Variants in LRBA observed in about 807,000 individuals in gnomAD.
LRBA encodes the protein lipopolysaccharide-responsive and beige-like anchor protein.
Under a neutral mutation model 330.0 loss-of-function variants are expected in LRBA, and 176 were observed. The ratio of observed to expected loss-of-function variants is 0.53; its 90% confidence interval spans 0.47 to 0.60. LRBA has a LOEUF of 0.60. Among genes scored for constraint, LRBA ranks in the 20% least tolerant of loss-of-function variants. LRBA has a pLI of 0.00. For missense variants in LRBA, 3,259 were observed against 3,444.8 expected (o/e 0.95, Z 1.35); for synonymous variants, 1,230 against 1,193.0 (o/e 1.03, Z -0.64).
intron 35 of LRBA, among the ~76,000 whole-genome samples, chr4:150,743,945 C>T (rs1451634): frequency 0.87 from 133,071 of 152,202 alleles, 58,577 homozygotes; most frequent in Non-Finnish European, 0.94. Flanking sequence ...CTCACATACA[C>T]TATTTTAATT....
At chr4:150,635,354 C>T (rs1019328984) in intron 37 of LRBA, among the ~76,000 whole-genome samples, 5 of 152,178 alleles carry the variant, frequency 3.3e-5, no homozygotes, top group Non-Finnish European at 7.3e-5. Flanking sequence ...TTCCATTTTG[C>T]TTACCCAAAT....
rs1034583625 is a variant in LRBA, at chr4:150,264,555, A to G, written c.*1167T>C. The stretch of plus-strand genomic sequence containing the variant: ...CATTTTATTCAGCTTTTTCTGTCAA[A>G]CTGAATTGTTCATTCCAAATCCTTG... On this transcript the variant is annotated 3_prime_UTR_variant, in exon 57 of 57. Transcript: ENST00000651943. 1 of 152,270 alleles carries G rather than the reference A, an allele frequency of 6.6e-6. No individual in the cohort carries two copies. The highest frequency in any genetic ancestry group is 6.5e-5 in the Admixed American group (1 of 15,274). The allele number at this position is 152,270 out of a possible 1,614,324, so 9.4% of individuals were successfully genotyped here.
chr4:150,488,784 T>C lies in LRBA; in HGVS notation c.6449-950A>G, dbSNP rs148821140. Among the ~76,000 whole-genome samples, 905 of 149,536 alleles carry C rather than the reference T, an allele frequency of 6.1e-3. 9 individuals carry two copies. The highest frequency in any genetic ancestry group is 0.017 in the African/African-American group (701 of 41,002). On this transcript the variant is annotated intron_variant, in intron 41 of 56. Coordinates refer to ENST00000651943, the MANE Select transcript of LRBA (RefSeq NM_001364905.1). ...AAAAAAAAATATACCAATGTTCCTA[T>C]AGTTTTTAAAACACTGGCATTGCCA...
At chr4:150,714,464 A>G (rs1786543028) in intron 36 of LRBA, among the ~76,000 whole-genome samples, 1 of 152,186 alleles carries the variant, frequency 6.6e-6, no homozygotes, top group Non-Finnish European at 1.5e-5. Context: ...TAATGTATCA[A>G]TAGTAGCAAA....
At chr4:150,821,660 C>T (rs764733191) in intron 30 of LRBA, among the ~76,000 whole-genome samples, 2 of 152,048 alleles carry the variant, frequency 1.3e-5, no homozygotes, top group Non-Finnish European at 2.9e-5. Flanking sequence ...ACTTAACATG[C>T]AAATAGTTCA....
At chr4:150,597,247 C>T (rs899997506) in intron 38 of LRBA, 7 of 408,792 alleles carry the variant, frequency 1.7e-5, no homozygotes, top group Admixed American at 3.9e-5. Context: ...TCTTTTTTGT[C>T]AAACTTTAAT....
chr4:150,498,865 TA>T (rs1446022304), intron 40 of LRBA, among the ~76,000 whole-genome samples: 1 of 152,170 alleles, frequency 6.6e-6, no homozygotes, highest in African/African-American at 2.4e-5. Context: ...AAAATGCTAC[TA>T]AAAGATGTAT....
chr4:150,489,177 G>GAATATATAATATATAATATATCAGAA (rs372286850), intron 41 of LRBA, among the ~76,000 whole-genome samples: 3 of 18,422 alleles, frequency 1.6e-4, no homozygotes, highest in South Asian at 2.2e-3. Context: ...TTATATATAA[G>GAATATATAATATATAATATATCAGAA]TATATAATAT....
intron 37 of LRBA, among the ~76,000 whole-genome samples, chr4:150,629,834 G>T (rs958532222): frequency 3.3e-5 from 5 of 152,000 alleles, no homozygotes; most frequent in Non-Finnish European, 7.4e-5. Context: ...AGCTACGCAT[G>T]GTGGTGGGCA....
intron 2 of LRBA, among the ~76,000 whole-genome samples, chr4:150,949,717 G>A (rs1008245543): frequency 6.6e-6 from 1 of 151,788 alleles, no homozygotes; most frequent in East Asian, 1.9e-4. Flanking sequence ...TAACCTAAAT[G>A]AATCTTCAAT....
chr4:150,443,853 A>AAAAAAATAT (rs70941406), intron 44 of LRBA, among the ~76,000 whole-genome samples: 2 of 75,480 alleles, frequency 2.6e-5, no homozygotes, highest in East Asian at 9.3e-4. Flanking sequence ...TAATTAAAAA[A>AAAAAAATAT]ATATATATAT....
chr4:150,775,805 G>GAAAAAAAAAAA (rs35161747), intron 34 of LRBA, among the ~76,000 whole-genome samples: 1 of 59,962 alleles, frequency 1.7e-5, no homozygotes, highest in Admixed American at 2.1e-4. Context: ...AAGAAAGAAT[G>GAAAAAAAAAAA]AAAAAAAAAA....
At chr4:150,408,291 T>C (rs539236489) in intron 47 of LRBA, among the ~76,000 whole-genome samples, 2 of 152,128 alleles carry the variant, frequency 1.3e-5, no homozygotes, top group African/African-American at 4.8e-5. Context: ...ATTAGTTAAA[T>C]GGACAAATTC....
chr4:150,897,809 C>A lies in LRBA; in HGVS notation c.1934G>T (p.Arg645Leu), dbSNP rs375622126. 9 of 1,610,214 alleles carry A rather than the reference C, an allele frequency of 5.6e-6. No individual in the cohort carries two copies. The highest frequency in any genetic ancestry group is 7.6e-6 in the Non-Finnish European group (9 of 1,177,394). The change falls in exon 15 of 57, where the codon CGA becomes CTA. Residue 645 changes from arginine to leucine, a missense_variant. Arg to Leu is a moderately radical substitution (Grantham distance 102). Coordinates refer to ENST00000651943, the MANE Select transcript of LRBA (RefSeq NM_001364905.1). ...AGAAAGCATTTCTTTTTGATTAGGT[C>A]GCGGTCCATCTTTTAAAAAAATATA... ...GITPKGLDGPRPNQKEMLSLR... is the reference protein window; with the variant it reads ...GITPKGLDGPLPNQKEMLSLR...
intron 36 of LRBA, among the ~76,000 whole-genome samples, chr4:150,690,629 T>C (rs1784043897): frequency 6.7e-6 from 1 of 149,766 alleles, no homozygotes; most frequent in African/African-American, 2.5e-5. Context: ...AAGAAAGAGA[T>C]GACAAAATGA....
chr4:150,965,684 C>T (rs917502684), intron 2 of LRBA, among the ~76,000 whole-genome samples: 5 of 151,886 alleles, frequency 3.3e-5, no homozygotes, highest in Admixed American at 3.3e-4. Context: ...GGACTATAGG[C>T]ACATACGACC....
chr4:150,772,603 C>T (rs1460386200), intron 34 of LRBA, among the ~76,000 whole-genome samples: 3 of 152,254 alleles, frequency 2.0e-5, no homozygotes, highest in Non-Finnish European at 4.4e-5. Context: ...AACCTAGTGA[C>T]AGGCCAAGAG....
In LRBA at chr4:150,908,646, A is replaced by G. The variant is rs747551096; in HGVS notation, c.1359+14T>C. 6.2e-7 allele frequency: 1 copy of G among 1,601,466 alleles called. No homozygotes were observed. Among genetic ancestry groups the G allele is most frequent in the East Asian group, 2.2e-5 (1 of 44,792 alleles). Reference sequence around the variant, plus strand: ...TTACCATTATAAATGTTCTTAAAAGATCACAGTTAGTACCTGGAGCATGAG... The same window carrying G: ...TTACCATTATAAATGTTCTTAAAAGGTCACAGTTAGTACCTGGAGCATGAG... On this transcript the variant is annotated intron_variant, in intron 10 of 56. Transcript: ENST00000651943.
chr4:150,726,553 T>A (rs891106003), intron 36 of LRBA, among the ~76,000 whole-genome samples: 6 of 152,122 alleles, frequency 3.9e-5, no homozygotes, highest in African/African-American at 1.2e-4. Context: ...GACTCACAGA[T>A]CCATGTGGTT....
Sources: gnomAD v4.1 joint callset for allele counts (sites outside exome capture counted in the v4.1 genomes callset) on GRCh38, gnomAD v4.1.1 for gene constraint, MANE v1.5 for transcripts, NCBI Gene and HGNC (gene_info 2026-07-23, HGNC 2026-07-21) for gene names.